YY1: variants seen among roughly 807,000 people sequenced by gnomAD.
The protein encoded by YY1 is YY1 transcription factor, also known as transcriptional repressor protein YY1.
A neutral mutation model predicts 35.6 loss-of-function variants in YY1; 2 were observed. The observed-to-expected ratio is 0.06, with a 90% confidence interval of 0.02 to 0.18. YY1 has a LOEUF of 0.18. Among genes scored for constraint, YY1 ranks in the 10% least tolerant of loss-of-function variants. The pLI is 1.00. For synonymous variants in YY1, 268 were observed against 238.9 expected (o/e 1.12, Z -1.12); for missense variants, 322 against 573.4 (o/e 0.56, Z 4.48).
At chr14:100,249,695 G>A (rs1890891635) in intron 1 of YY1, among the ~76,000 whole-genome samples, 1 of 151,882 alleles carries the variant, frequency 6.6e-6, no homozygotes, top group Admixed American at 6.6e-5. Context: ...TTTAGAAGCA[G>A]CATGGGCTTT....
intron 1 of YY1, among the ~76,000 whole-genome samples, chr14:100,256,259 A>G (rs910010072): frequency 2.0e-5 from 3 of 152,104 alleles, no homozygotes; most frequent in African/African-American, 4.8e-5. Flanking sequence ...AGGTCTGCCC[A>G]TTAGATTTTG....
At chr14:100,240,941 C>T (rs1457056713) in intron 1 of YY1, among the ~76,000 whole-genome samples, 2 of 152,064 alleles carry the variant, frequency 1.3e-5, no homozygotes, top group African/African-American at 4.8e-5. Context: ...TCTATTTTCC[C>T]CATGAAAAGA....
At position 100,239,586 on chromosome 14, in the gene YY1, C is replaced by A. The variant is rs770372977; in HGVS notation, c.342C>A (p.Gly114=). 18 of 1,612,462 alleles carry A rather than the reference C, an allele frequency of 1.1e-5. No homozygotes were observed. The highest frequency in any genetic ancestry group is 1.4e-5 in the Non-Finnish European group (16 of 1,179,710). Residue 114 remains glycine (G), a synonymous_variant, in exon 1 of 5, where the codon GGC becomes GGA. Transcript: ENST00000262238. ...TGCAGACGCGCGAGGAGGTGGTGGGCGGCGACGACTCGGACGGGCTGCGCG... is the reference window on the plus strand; with the variant it reads ...TGCAGACGCGCGAGGAGGTGGTGGGAGGCGACGACTCGGACGGGCTGCGCG... The part of the protein sequence containing the change: ...ILVQTREEVV[G]GDDSDGLRAE...
intron 1 of YY1, among the ~76,000 whole-genome samples, chr14:100,260,444 T>TAC (rs1338664391): frequency 0.011 from 1,428 of 127,002 alleles, 6 homozygotes; most frequent in Non-Finnish European, 0.014. Context: ...TATATATATA[T>TAC]ATACACACAC....
At chr14:100,267,994 C>G (rs1000815448) in intron 2 of YY1, among the ~76,000 whole-genome samples, 1 of 152,128 alleles carries the variant, frequency 6.6e-6, no homozygotes, top group Non-Finnish European at 1.5e-5. Flanking sequence ...AATTGATGCC[C>G]GGGACTCTGA....
chr14:100,277,316 G>C lies in YY1; in HGVS notation c.1063-102G>C, dbSNP rs756732819. On this transcript the variant is annotated intron_variant, in intron 4 of 4. Coordinates refer to ENST00000262238, the MANE Select transcript of YY1 (RefSeq NM_003403.5). The surrounding 1 kb of genome is among the most constrained non-coding windows in gnomAD (Gnocchi z 5.6). ...CCCAGGGCAGGAATGAAAAGTGTTT[G>C]GTAAAATAAATAGGCTGTTCTCTAG... The C allele has an allele frequency of 1.4e-6, 2 of 1,396,998 alleles. No individual in the cohort carries two copies. Among genetic ancestry groups the C allele is most frequent in the Admixed American group, 3.4e-5 (2 of 58,710 alleles). The allele number at this position is 1,396,998 out of a possible 1,614,324, so 86.5% of individuals were successfully genotyped here.
chr14:100,239,311 C>T lies in YY1; in HGVS notation c.67C>T (p.Leu23=), dbSNP rs1181389023. 2.5e-6 allele frequency: 4 copies of T among 1,603,474 alleles called. No individual in the cohort carries two copies. The highest frequency in any genetic ancestry group is 1.3e-5 in the African/African-American group (1 of 74,636). Reference sequence around the variant, plus strand: ...GGAGATGCCGGCCGAGATCGTGGAGCTGCACGAGATCGAGGTGGAGACCAT... The same window carrying T: ...GGAGATGCCGGCCGAGATCGTGGAGTTGCACGAGATCGAGGTGGAGACCAT... ...GSEMPAEIVE[L]HEIEVETIPV... Residue 23 remains leucine (L), a synonymous_variant, in exon 1 of 5, where the codon CTG becomes TTG. Transcript: ENST00000262238.
chr14:100,266,577 G>A (rs1455444693), intron 2 of YY1, among the ~76,000 whole-genome samples: 1 of 152,066 alleles, frequency 6.6e-6, no homozygotes, highest in Non-Finnish European at 1.5e-5. Flanking sequence ...AGGTAACATG[G>A]CTACCTTAGA....
At chr14:100,256,426 C>G (rs953364497) in intron 1 of YY1, among the ~76,000 whole-genome samples, 1 of 152,190 alleles carries the variant, frequency 6.6e-6, no homozygotes, top group Admixed American at 6.5e-5. Flanking sequence ...CTCCCCAACC[C>G]ATCTGATTAA....
In YY1 at chr14:100,239,267, A is replaced by T; in HGVS notation, c.23A>T (p.Tyr8Phe). Residue 8 changes from tyrosine (Y) to phenylalanine (F), a missense_variant, in exon 1 of 5, where the codon TAC becomes TTC. Tyr to Phe is a conservative substitution (Grantham distance 22). Around this residue, in one of 4 missense-constraint regions of YY1, gnomAD observed 137 missense variants for 167.0 expected, o/e 0.82. Coordinates refer to ENST00000262238, the MANE Select transcript of YY1 (RefSeq NM_003403.5). MASGDTL[Y>F]IATDGSEMPA... ...GCCATGGCCTCGGGCGACACCCTCT[A>T]CATCGCCACGGACGGCTCGGAGATG... The T allele has an allele frequency of 6.3e-7, 1 of 1,578,956 alleles. No individual in the cohort carries two copies.
At chr14:100,255,448 A>G (rs1014041613) in intron 1 of YY1, among the ~76,000 whole-genome samples, 1 of 151,902 alleles carries the variant, frequency 6.6e-6, no homozygotes, top group Non-Finnish European at 1.5e-5. Context: ...GTGAAACCCC[A>G]TCTCTGCTAA....
chr14:100,241,301 A>ACT lies in YY1; in HGVS notation c.679+1380_679+1381dup, dbSNP rs201258594. ...CATAAATTCTCAGAACTGAATGGAG[A>ACT]CTCAAAATATGGTGACCTTTGAGTA... is the stretch of plus-strand genomic sequence containing the variant. On this transcript the variant is annotated intron_variant, in intron 1 of 4. Coordinates refer to ENST00000262238, the MANE Select transcript of YY1 (RefSeq NM_003403.5). Among the ~76,000 whole-genome samples, 1,454 of 152,336 alleles carry ACT rather than the reference A, an allele frequency of 9.5e-3. 17 individuals are homozygous for ACT. The highest frequency in any genetic ancestry group is 0.034 in the African/African-American group (1,398 of 41,564).
intron 2 of YY1, among the ~76,000 whole-genome samples, chr14:100,266,646 A>T (rs72711983): frequency 0.033 from 5,021 of 152,264 alleles, 112 homozygotes; most frequent in Non-Finnish European, 0.052. Flanking sequence ...CCAGATAGCC[A>T]TCCAAAACAC....
Position 100,277,506 on chromosome 14 carries a change from T to C in YY1, c.1151T>C (p.Val384Ala). ...ATCCATACCGGAGACAGGCCCTATG[T>C]GTGCCCCTTCGATGGTTGTAATAAG... Reference protein sequence around the residue: ...VRIHTGDRPYVCPFDGCNKKF... With the variant: ...VRIHTGDRPYACPFDGCNKKF... Residue 384 changes from valine (V) to alanine (A), a missense_variant, in exon 5 of 5, where the codon GTG becomes GCG. Coordinates refer to ENST00000262238, the MANE Select transcript of YY1 (RefSeq NM_003403.5). The surrounding 1 kb of genome is among the most constrained non-coding windows in gnomAD (Gnocchi z 5.6). 1 of 1,614,238 alleles carries C rather than the reference T, an allele frequency of 6.2e-7. No homozygotes were observed. Among genetic ancestry groups the C allele is most frequent in the Non-Finnish European group, 8.5e-7 (1 of 1,180,048 alleles).
intron 2 of YY1, among the ~76,000 whole-genome samples, chr14:100,270,890 A>G (rs900151673): frequency 6.6e-6 from 1 of 152,088 alleles, no homozygotes; most frequent in Non-Finnish European, 1.5e-5. Flanking sequence ...AAATAAAACA[A>G]TGTTTCAGTA....
In YY1 at chr14:100,282,557, T is replaced by C. The variant is rs1258884565; in HGVS notation, c.*4957T>C. The stretch of plus-strand genomic sequence containing the variant: ...TTCTGTAGGCCCTGGCTCAAGGACT[T>C]AGCATTTCGTCTCATGTACATCTTT... On this transcript the variant is annotated 3_prime_UTR_variant, in exon 5 of 5. Coordinates refer to ENST00000262238, the MANE Select transcript of YY1 (RefSeq NM_003403.5). 6.6e-6 allele frequency: 1 copy of C among 152,222 alleles called. No individual in the cohort carries two copies. Among genetic ancestry groups the C allele is most frequent in the Admixed American group, 6.5e-5 (1 of 15,278 alleles). The allele number at this position is 152,222 out of a possible 1,614,324, so 9.4% of individuals were successfully genotyped here.
chr14:100,276,630 T>G lies in YY1; in HGVS notation c.1044T>G (p.Thr348=). 1.9e-6 allele frequency: 3 copies of G among 1,614,244 alleles called. No individual in the cohort carries two copies. Among genetic ancestry groups the G allele is most frequent in the Non-Finnish European group, 2.5e-6 (3 of 1,180,042 alleles). The part of the protein sequence containing the change: ...SKLKRHQLVH[T]GEKPFQCTFE... ...TAAAACGACACCAACTGGTTCATACTGGAGAGAAGCCCTTTCAGGTAGAGC... is the reference window on the plus strand; with the variant it reads ...TAAAACGACACCAACTGGTTCATACGGGAGAGAAGCCCTTTCAGGTAGAGC... Residue 348 remains threonine, a synonymous_variant, in exon 4 of 5, where the codon ACT becomes ACG. Coordinates refer to ENST00000262238, the MANE Select transcript of YY1 (RefSeq NM_003403.5). The surrounding 1 kb of genome is among the most constrained non-coding windows in gnomAD (Gnocchi z 4.1).
Position 100,277,618 on chromosome 14 carries a change from CT to C in YY1, c.*20del. On this transcript the variant is annotated 3_prime_UTR_variant, in exon 5 of 5. Coordinates refer to ENST00000262238, the MANE Select transcript of YY1 (RefSeq NM_003403.5). This position sits in a 1 kb window ranked among gnomAD's most constrained non-coding sequence, Gnocchi z 5.6. ...ACCAGTGAAAAGAAGAGAGAAGACC[CT>C]TCTCGACCACGGGAAGCATCTTCCA... 1 of 1,613,322 alleles carries C rather than the reference CT, an allele frequency of 6.2e-7. No individual in the cohort carries two copies. The highest frequency in any genetic ancestry group is 1.3e-5 in the African/African-American group (1 of 75,008).
At chr14:100,274,894 A>G (rs1891297459) in intron 3 of YY1, 136 bp downstream of exon 3, 2 of 921,490 alleles carry the variant, frequency 2.2e-6, no homozygotes, top group Non-Finnish European at 3.4e-6. Context: ...TTCTAAATCC[A>G]AGAGATGAAG....
Sources: allele counts gnomAD v4.1 joint callset (sites outside exome capture counted in the v4.1 genomes callset), GRCh38; gene constraint gnomAD v4.1.1; regional missense constraint gnomAD v4.1.1; non-coding constraint Gnocchi (gnomAD v3.1); transcripts MANE v1.5; gene names NCBI Gene and HGNC (gene_info 2026-07-23, HGNC 2026-07-21).